Variants in SLC45A2 observed in about 807,000 individuals in gnomAD.
The protein encoded by SLC45A2 is solute carrier family 45 member 2.
A neutral mutation model predicts 45.5 loss-of-function variants in SLC45A2; 36 were observed. The observed-to-expected ratio is 0.79, with a 90% CI of 0.61 to 1.04. The LOEUF (loss-of-function observed/expected upper bound fraction) is 1.04, where lower values mean the gene tolerates loss of function less well. Ranked by LOEUF, SLC45A2 falls within the 50% of genes least tolerant of loss-of-function variation. SLC45A2 has a pLI of 0.00. For synonymous variants in SLC45A2, 306 were observed against 269.3 expected, an observed-to-expected ratio of 1.14 and a Z score of -1.33; for missense variants, 719 against 671.0, an observed-to-expected ratio of 1.07 and a Z score of -0.79.
intron 2 of SLC45A2, among the ~76,000 whole-genome samples, chr5:33,965,469 C>T (rs1347040442): frequency 1.3e-5 from 2 of 152,152 alleles, no homozygotes; most frequent in African/African-American, 4.8e-5. Context: ...ATTAGCATGT[C>T]CTGAATGCTG....
At chr5:33,977,310 T>C (rs2112002126) in intron 2 of SLC45A2, among the ~76,000 whole-genome samples, 1 of 152,286 alleles carries the variant, frequency 6.6e-6, no homozygotes, top group African/African-American at 2.4e-5. Flanking sequence ...AAACAGACCA[T>C]AAAGGCCCCA....
At chr5:33,946,620 C>G in intron 6 of SLC45A2, 1 of 1,006,728 alleles carries the variant, frequency 9.9e-7, no homozygotes, top group Non-Finnish European at 1.2e-6. Context: ...TGGGGATTAC[C>G]ACCCATGATT....
In SLC45A2 at chr5:33,950,714, C is replaced by G. The variant is rs141135868; in HGVS notation, c.1156+840G>C. On this transcript the variant is annotated intron_variant, in intron 5 of 6. Transcript: ENST00000296589. ...CACTTCCTTCACCTGGGCCATATCC[C>G]TGCTGTCCCCTGGACCTGTCCAAAG... Among the ~76,000 whole-genome samples the G allele has an allele frequency of 7.2e-3, 1,093 of 152,346 alleles. 10 individuals are homozygous for G. Among genetic ancestry groups the G allele is most frequent in the Non-Finnish European group, 0.011 (767 of 68,034 alleles).
At position 33,944,782 on chromosome 5, in the gene SLC45A2, G is replaced by C; in HGVS notation, c.1459C>G (p.Gln487Glu). 1 of 1,614,176 alleles carries C rather than the reference G, an allele frequency of 6.2e-7. No individual in the cohort carries two copies. Among genetic ancestry groups the C allele is most frequent in the Non-Finnish European group, 8.5e-7 (1 of 1,180,024 alleles). Reference sequence around the variant, plus strand: ...CCCAGGCCACCTCCGACCAGGATCTGAGCCAGCTGCACCATGCATGTGAGG... The same window carrying C: ...CCCAGGCCACCTCCGACCAGGATCTCAGCCAGCTGCACCATGCATGTGAGG... ...ATLTCMVQLA[Q>E]ILVGGGLGFL... The change falls in exon 7 of 7, where the codon CAG (glutamine) becomes GAG (glutamate). Residue 487 changes from glutamine to glutamate, a missense_variant. Gln to Glu is a conservative substitution (Grantham distance 29). Coordinates refer to ENST00000296589, the MANE Select transcript of SLC45A2 (RefSeq NM_016180.5).
chr5:33,951,669 G>C lies in SLC45A2; in HGVS notation c.1041C>G (p.Tyr347Ter). 46 of 1,614,174 alleles carry C rather than the reference G, an allele frequency of 2.8e-5. No individual in the cohort carries two copies. The highest frequency in any genetic ancestry group is 3.8e-5 in the Non-Finnish European group (45 of 1,180,038). The stretch of plus-strand genomic sequence containing the variant: ...TGTGTGCACTATAGGGATCCCCGCG[G>C]TACACAATCTGAAAGAGAGATTGGA... Reference protein sequence around the residue: ...FFTDFMGQIVYRGDPYSAHNS... With the variant: ...FFTDFMGQIV The change falls in exon 5 of 7, where the codon TAC becomes TAG. Residue 347 changes from tyrosine (Y) to a stop codon, truncating the protein, a stop_gained. Transcript: ENST00000296589. LOFTEE classifies it high-confidence loss of function.
At chr5:33,960,886 T>C (rs1390442848) in intron 3 of SLC45A2, among the ~76,000 whole-genome samples, 1 of 152,228 alleles carries the variant, frequency 6.6e-6, no homozygotes, top group Non-Finnish European at 1.5e-5. Context: ...TGGTTCTCTA[T>C]GATGTTAACA....
At chr5:33,974,974 T>A (rs1752883040) in intron 2 of SLC45A2, among the ~76,000 whole-genome samples, 1 of 150,164 alleles carries the variant, frequency 6.7e-6, no homozygotes, top group East Asian at 1.9e-4. Flanking sequence ...TTACGAATAA[T>A]GTCGATTGTC....
At chr5:33,950,684 C>T (rs981427361) in intron 5 of SLC45A2, among the ~76,000 whole-genome samples, 3 of 152,246 alleles carry the variant, frequency 2.0e-5, no homozygotes, top group African/African-American at 7.2e-5. Context: ...CTCCCCATCT[C>T]TTCCCACTTC....
intron 2 of SLC45A2, among the ~76,000 whole-genome samples, chr5:33,974,078 G>A (rs756075054): frequency 5.3e-5 from 8 of 152,146 alleles, no homozygotes; most frequent in Admixed American, 2.6e-4. Flanking sequence ...GCAGAAATAC[G>A]CTTGGTTAGA....
At chr5:33,980,352 T>C (rs76714397) in intron 2 of SLC45A2, among the ~76,000 whole-genome samples, 54 of 152,058 alleles carry the variant, frequency 3.6e-4, no homozygotes, top group African/African-American at 1.2e-3. Flanking sequence ...GCCAGCAATA[T>C]GATGTCAACA....
Position 33,970,479 on chromosome 5 carries a change from G to A in SLC45A2, c.563-6463C>T, listed in dbSNP as rs115406412. Among the ~76,000 whole-genome samples, 282 of 152,252 alleles carry A rather than the reference G, an allele frequency of 1.9e-3. 2 individuals are homozygous for A. The highest frequency in any genetic ancestry group is 6.4e-3 in the African/African-American group (267 of 41,540). On this transcript the variant is annotated intron_variant, in intron 2 of 6. Coordinates refer to ENST00000296589, the MANE Select transcript of SLC45A2 (RefSeq NM_016180.5). The stretch of plus-strand genomic sequence containing the variant: ...GAATCCCTTCCCAAATAAACTATCT[G>A]TATACAAACCTCTGGGGTTCAACTT...
intron 2 of SLC45A2, among the ~76,000 whole-genome samples, chr5:33,969,776 C>G (rs909012380): frequency 2.0e-5 from 3 of 152,078 alleles, no homozygotes; most frequent in Non-Finnish European, 4.4e-5. Flanking sequence ...AAGAGAGGAG[C>G]AGAGCCTCCC....
chr5:33,951,085 G>A (rs1752082571), intron 5 of SLC45A2, among the ~76,000 whole-genome samples: 1 of 152,178 alleles, frequency 6.6e-6, no homozygotes, highest in Admixed American at 6.5e-5. Context: ...TCCTGGTGTG[G>A]TGCTCCTATA....
chr5:33,967,600 T>C (rs556808363), intron 2 of SLC45A2, among the ~76,000 whole-genome samples: 4 of 152,288 alleles, frequency 2.6e-5, no homozygotes, highest in African/African-American at 9.6e-5. Context: ...AATTCATAAC[T>C]GATAAAGCAC....
rs1753170274 is a variant in SLC45A2, at chr5:33,984,273, G to C, written c.311C>G (p.Pro104Arg). The change falls in exon 1 of 7, where the codon CCC (proline) becomes CGC (arginine). Residue 104 changes from proline (P) to arginine (R), a missense_variant. Pro to Arg is a moderately radical substitution (Grantham distance 103). Transcript: ENST00000296589. ...CATGACTCCCAGGGTGAGGATGTAG[G>C]GTCTCCGGCGGCCCCACCTGGACCG... is the stretch of plus-strand genomic sequence containing the variant. ...HCRSRWGRRR[P>R]YILTLGVMML... 6.2e-7 allele frequency: 1 copy of C among 1,614,172 alleles called. No individual in the cohort carries two copies. Among genetic ancestry groups the C allele is most frequent in the African/African-American group, 1.3e-5 (1 of 75,048 alleles).
At chr5:33,969,063 C>CTCTCTCTCTCTCTCTCTCTG (rs1554055531) in intron 2 of SLC45A2, among the ~76,000 whole-genome samples, 1 of 62,768 alleles carries the variant, frequency 1.6e-5, no homozygotes, top group Non-Finnish European at 3.8e-5. Context: ...CTCTCTCTCT[C>CTCTCTCTCTCTCTCTCTCTG]TCTGTGTGTG....
intron 5 of SLC45A2, among the ~76,000 whole-genome samples, 189 bp from the exon 6 acceptor site, chr5:33,947,563 TA>T (rs1177218984): frequency 6.6e-6 from 1 of 152,172 alleles, no homozygotes; most frequent in Non-Finnish European, 1.5e-5. Flanking sequence ...GACCTTTCCA[TA>T]AAGGACAGCT....
intron 1 of SLC45A2, among the ~76,000 whole-genome samples, chr5:33,983,546 TGA>T (rs1485628466): frequency 1.3e-5 from 2 of 152,214 alleles, no homozygotes; most frequent in Non-Finnish European, 2.9e-5. Flanking sequence ...TCTGCTAGCT[TGA>T]GAGTTAATGA....
chr5:33,971,925 T>C, intron 2 of SLC45A2: 1 of 381,576 alleles, frequency 2.6e-6, no homozygotes, highest in South Asian at 1.9e-5. Context: ...CCACACCCAG[T>C]TACCCAGCTA....
Sources: allele counts gnomAD v4.1 joint callset (sites outside exome capture counted in the v4.1 genomes callset), GRCh38; gene constraint gnomAD v4.1.1; transcripts MANE v1.5; gene names NCBI Gene and HGNC (gene_info 2026-07-23, HGNC 2026-07-21).